Variants in SRP19 observed in about 807,000 individuals in gnomAD.
SRP19 encodes the protein signal recognition particle 19, also known as signal recognition particle 19 kDa protein.
A neutral mutation model predicts 22.4 loss-of-function variants in SRP19; 11 were observed. The ratio of observed to expected loss-of-function variants is 0.49; its 90% CI spans 0.31 to 0.81. The LOEUF is 0.81. Ranked by LOEUF, SRP19 falls within the 40% of genes least tolerant of loss-of-function variation. The pLI is 0.05. For missense variants in SRP19, 168 were observed against 175.9 expected (o/e 0.96, Z 0.25); for synonymous variants, 61 against 57.6 (o/e 1.06, Z -0.27).
Position 112,869,603 on chromosome 5 carries a change from C to T in SRP19, c.*2066C>T, listed in dbSNP as rs1029024203. On this transcript the variant is annotated 3_prime_UTR_variant, in exon 5 of 5. Coordinates refer to ENST00000505459, the MANE Select transcript of SRP19 (RefSeq NM_003135.3). ...TTGATATGGTTTGGCTGCTACCCAA[C>T]CCAAAATCTCATCTTGAATTATAAT... is the stretch of plus-strand genomic sequence containing the variant. The T allele has an allele frequency of 6.6e-6, 1 of 152,238 alleles. No individual in the cohort carries two copies. The highest frequency in any genetic ancestry group is 2.4e-5 in the African/African-American group (1 of 41,444). 9.4% of individuals were successfully genotyped at this position (152,238 alleles called of 1,614,324 possible).
At chr5:112,863,852 A>G (rs1036095554) in intron 2 of SRP19, among the ~76,000 whole-genome samples, 13 of 152,186 alleles carry the variant, frequency 8.5e-5, no homozygotes, top group African/African-American at 1.7e-4. Flanking sequence ...TTTTGTAGCA[A>G]TGAGATTTCT....
At chr5:112,893,092 CTTAAA>C, downstream of SRP19, 2 of 426,704 alleles carry the variant, frequency 4.7e-6, no homozygotes, top group Non-Finnish European at 3.5e-6. Flanking sequence ...TAGTTTTGTT[CTTAAA>C]AAAAAAAAAA....
intron 2 of SRP19, 37 bp downstream of exon 2, chr5:112,862,620 A>G: frequency 1.9e-6 from 3 of 1,585,586 alleles, no homozygotes; most frequent in Non-Finnish European, 2.6e-6. Context: ...CCTCGAGGGA[A>G]TGGGGGGTGT....
Position 112,884,779 on chromosome 5 carries a change from G to GCC in SRP19, c.302-6816_302-6815dup, listed in dbSNP as rs35461707. Among the ~76,000 whole-genome samples the GCC allele has an allele frequency of 1.9e-4, 28 of 147,928 alleles. 1 individual carries two copies. Among genetic ancestry groups the GCC allele is most frequent in the East Asian group, 6.0e-4 (3 of 5,040 alleles). On this transcript the variant is annotated intron_variant, in intron 4 of 4. Coordinates refer to the SRP19 transcript ENST00000391338. ...ATCATAACCATCCCTCCAGTCCTTG[G>GCC]CCCCCCCCCATCTTTCTACTTGCTT...
intron 3 of SRP19, 34 bp downstream of exon 3, chr5:112,864,562 A>G (rs374031980): frequency 3.1e-6 from 5 of 1,611,776 alleles, no homozygotes; most frequent in Non-Finnish European, 4.2e-6. Flanking sequence ...TTCCATACTC[A>G]TCTAATTGAT....
chr5:112,873,539 G>A (rs1163105908), downstream of SRP19, among the ~76,000 whole-genome samples: 1 of 151,266 alleles, frequency 6.6e-6, no homozygotes, highest in Admixed American at 6.6e-5. Context: ...TAGAGACGGG[G>A]TTTCTCCATG....
chr5:112,868,248 A>G lies in SRP19; in HGVS notation c.*711A>G. The G allele has an allele frequency of 1.0e-6, 1 of 985,518 alleles. No individual in the cohort carries two copies. The highest frequency in any genetic ancestry group is 1.2e-6 in the Non-Finnish European group (1 of 829,992). 61.0% of individuals were successfully genotyped at this position (985,518 alleles called of 1,614,324 possible). On this transcript the variant is annotated 3_prime_UTR_variant, in exon 5 of 5. Coordinates refer to ENST00000505459, the MANE Select transcript of SRP19 (RefSeq NM_003135.3). ...GGTACACTTTCCTTCAACAAATGAA[A>G]TTGGATTGGTGCTCCAGAATTTCAG...
chr5:112,874,370 A>G (rs1338689727), downstream of SRP19, among the ~76,000 whole-genome samples: 1 of 152,040 alleles, frequency 6.6e-6, no homozygotes, highest in Non-Finnish European at 1.5e-5. Flanking sequence ...GATCCATACT[A>G]GTATCATTAC....
At chr5:112,867,219 C>T (rs1767634940) in intron 4 of SRP19, among the ~76,000 whole-genome samples, 185 bp from the exon 5 acceptor site, 1 of 152,190 alleles carries the variant, frequency 6.6e-6, no homozygotes, top group Non-Finnish European at 1.5e-5. Flanking sequence ...ATTATTCTCA[C>T]TCTCAGTACA....
downstream of SRP19, among the ~76,000 whole-genome samples, chr5:112,872,474 A>G (rs1767780962): frequency 1.3e-5 from 2 of 151,984 alleles, no homozygotes; most frequent in African/African-American, 4.8e-5. Context: ...GATTACAGCC[A>G]TGTGTTACCA....
At chr5:112,876,553 A>T (rs1367697369) in intron 4 of SRP19, 1 of 152,186 alleles carries the variant, frequency 6.6e-6, no homozygotes, top group Admixed American at 6.5e-5. Flanking sequence ...GCCTTCAGGT[A>T]AGGGAATAAC....
intron 4 of SRP19, among the ~76,000 whole-genome samples, chr5:112,889,001 T>G (rs955252151): frequency 8.6e-5 from 13 of 150,872 alleles, no homozygotes; most frequent in South Asian, 8.4e-4. Context: ...TATAAGGAGT[T>G]TCCCCTTTCG....
At chr5:112,871,335 G>A (rs1214843005), downstream of SRP19, among the ~76,000 whole-genome samples, 1 of 146,266 alleles carries the variant, frequency 6.8e-6, no homozygotes, top group Non-Finnish European at 1.5e-5. Flanking sequence ...TTTGAGACAG[G>A]TCTCTCTTTT....
At chr5:112,884,782 C>CA (rs1027948617) in intron 4 of SRP19, among the ~76,000 whole-genome samples, 1 of 151,498 alleles carries the variant, frequency 6.6e-6, no homozygotes, top group Non-Finnish European at 1.5e-5. Flanking sequence ...GTCCTTGGCC[C>CA]CCCCCCATCT....
exon 5 of SRP19, chr5:112,892,159 C>G (rs750379852): frequency 6.2e-6 from 10 of 1,614,096 alleles, no homozygotes; most frequent in Non-Finnish European, 8.5e-6. Context: ...GGAGAAGGAT[C>G]GAGCTAATTG....
chr5:112,887,236 C>G, intron 4 of SRP19: 2 of 1,462,142 alleles, frequency 1.4e-6, no homozygotes, highest in East Asian at 4.7e-5. Context: ...GGGGCACATT[C>G]TGAGAATACA....
intron 4 of SRP19, among the ~76,000 whole-genome samples, chr5:112,889,084 A>G (rs570104482): frequency 1.3e-5 from 2 of 150,962 alleles, no homozygotes; most frequent in African/African-American, 2.5e-5. Context: ...ATCTTCCACC[A>G]TGATTGTGAG....
rs1307511321 is a variant in SRP19, at chr5:112,862,567, G to A, written c.101G>A (p.Arg34Gln). 2.5e-6 allele frequency: 4 copies of A among 1,613,588 alleles called. No homozygotes were observed. The highest frequency in any genetic ancestry group is 2.7e-5 in the African/African-American group (2 of 74,880). Residue 34 changes from arginine to glutamine, a missense_variant, in exon 2 of 5, where the codon CGA (arginine) becomes CAA (glutamine). By Grantham distance (43) the Arg-to-Gln change is conservative. Coordinates refer to ENST00000505459, the MANE Select transcript of SRP19 (RefSeq NM_003135.3). ...AAGAAGACCATCGCAGAGGGAAGGCGAATCCCCATAAGTAAGGTAAGCAAG... is the reference window on the plus strand; with the variant it reads ...AAGAAGACCATCGCAGAGGGAAGGCAAATCCCCATAAGTAAGGTAAGCAAG... ...NNKKTIAEGR[R>Q]IPISKAVENP...
rs559475531 is a variant in SRP19 at position 112,864,840 on chromosome 5, A to G, written c.301+108A>G. ...AAAAGTCAGAATTTGCATTCTGAAG[A>G]TTAATTTAAAGACAGGACTACTGCT... On this transcript the variant is annotated intron_variant, in intron 4 of 4. Transcript: ENST00000505459. The G allele has an allele frequency of 1.1e-3, 900 of 811,964 alleles. 2 individuals carry two copies. The highest frequency in any genetic ancestry group is 1.6e-3 in the Non-Finnish European group (819 of 510,582). The allele number at this position is 811,964 out of a possible 1,614,324, so 50.3% of individuals were successfully genotyped here. A position where few individuals can be genotyped will look rare whatever the true frequency, so the allele number is the denominator to read the frequency against.
Sources: gnomAD v4.1 joint callset for allele counts (sites outside exome capture counted in the v4.1 genomes callset) on GRCh38, gnomAD v4.1.1 for gene constraint, MANE v1.5 for transcripts, NCBI Gene and HGNC (gene_info 2026-07-23, HGNC 2026-07-21) for gene names.